Variants in KCNH1 observed in about 807,000 individuals in gnomAD.
KCNH1 encodes the protein potassium voltage-gated channel subfamily H member 1.
In KCNH1, 27 loss-of-function variants were observed where a neutral mutation model predicts 69.2. That is an observed-to-expected ratio of 0.39 (90% CI 0.29 to 0.54). The LOEUF is 0.54. KCNH1 is among the 20% of genes least tolerant of loss of function. KCNH1 has a pLI of 0.68. For missense variants in KCNH1, 798 were observed against 1,261.6 expected (o/e 0.63, Z 5.57); for synonymous variants, 456 against 487.7 (o/e 0.93, Z 0.86).
At chr1:210,744,062 G>A (rs144994166) in intron 10 of KCNH1, among the ~76,000 whole-genome samples, 2,254 of 152,274 alleles carry the variant, frequency 0.015, 62 homozygotes, top group African/African-American at 0.051. Context: ...GATCCAGCCT[G>A]CCTGTGCCTT....
chr1:210,957,221 G>A (rs1389836828), intron 6 of KCNH1, among the ~76,000 whole-genome samples: 5 of 152,200 alleles, frequency 3.3e-5, no homozygotes, highest in African/African-American at 7.2e-5. Context: ...TAGTTGTGAA[G>A]TCTTGAGTGA....
At chr1:210,753,894 ACAAATAT>A (rs531073673) in intron 10 of KCNH1, among the ~76,000 whole-genome samples, 82 of 151,740 alleles carry the variant, frequency 5.4e-4, no homozygotes, top group South Asian at 2.3e-3. Context: ...TTTCAAGCTT[ACAAATAT>A]CAGACTAATT....
chr1:211,041,362 G>A (rs758612859), intron 5 of KCNH1, among the ~76,000 whole-genome samples: 1 of 152,114 alleles, frequency 6.6e-6, no homozygotes, highest in Non-Finnish European at 1.5e-5. Flanking sequence ...AAGATGTGCA[G>A]CTTAGCTCCC....
intron 8 of KCNH1, among the ~76,000 whole-genome samples, chr1:210,803,251 G>A (rs1435123634): frequency 6.6e-6 from 1 of 152,196 alleles, no homozygotes; most frequent in African/African-American, 2.4e-5. Flanking sequence ...TACAGGTGCT[G>A]CCACCAAACC....
At chr1:210,993,794 CA>C (rs1688975463) in intron 6 of KCNH1, among the ~76,000 whole-genome samples, 1 of 151,994 alleles carries the variant, frequency 6.6e-6, no homozygotes, top group African/African-American at 2.4e-5. Context: ...AGACATCATC[CA>C]AATATTAAGT....
chr1:210,739,945 C>T (rs1682980676), intron 10 of KCNH1, among the ~76,000 whole-genome samples: 1 of 151,980 alleles, frequency 6.6e-6, no homozygotes, highest in Non-Finnish European at 1.5e-5. Flanking sequence ...TAGTCTCAGT[C>T]CTAAAGGTCA....
At chr1:210,733,293 TCAA>T (rs1682790496) in intron 10 of KCNH1, among the ~76,000 whole-genome samples, 1 of 152,106 alleles carries the variant, frequency 6.6e-6, no homozygotes, top group Non-Finnish European at 1.5e-5. Context: ...GAAAGGAGAA[TCAA>T]AGCGCATAGA....
chr1:210,752,952 G>A (rs1369723147), intron 10 of KCNH1, among the ~76,000 whole-genome samples: 2 of 152,248 alleles, frequency 1.3e-5, no homozygotes, highest in Non-Finnish European at 1.5e-5. Flanking sequence ...AGACACAGGG[G>A]TGAAGGCCAT....
At chr1:210,917,748 C>A (rs1022719106) in intron 7 of KCNH1, among the ~76,000 whole-genome samples, 4 of 152,220 alleles carry the variant, frequency 2.6e-5, no homozygotes, top group African/African-American at 7.2e-5. Context: ...GAGCACAGTG[C>A]ATCTGGTTGT....
intron 7 of KCNH1, among the ~76,000 whole-genome samples, chr1:210,819,007 G>A (rs866864296): frequency 5.9e-5 from 9 of 152,172 alleles, no homozygotes; most frequent in Admixed American, 1.3e-4. Flanking sequence ...ACCATTGGAT[G>A]CCTTATTTTT....
intron 5 of KCNH1, among the ~76,000 whole-genome samples, chr1:211,021,040 G>A (rs1323012179): frequency 6.6e-6 from 1 of 152,166 alleles, no homozygotes; most frequent in Non-Finnish European, 1.5e-5. Flanking sequence ...GATTCTAAGT[G>A]AAGTAACTCA....
intron 5 of KCNH1, among the ~76,000 whole-genome samples, chr1:211,020,774 CA>C (rs1211996618): frequency 2.0e-5 from 3 of 150,166 alleles, no homozygotes; most frequent in African/African-American, 4.9e-5. Flanking sequence ...AACAGAACAT[CA>C]AAAAAAAGGT....
chr1:210,967,262 T>C (rs1284080733), intron 6 of KCNH1, among the ~76,000 whole-genome samples: 1 of 152,100 alleles, frequency 6.6e-6, no homozygotes, highest in Non-Finnish European at 1.5e-5. Context: ...CCATGGCATG[T>C]GTATACCTAT....
At chr1:210,882,015 G>A (rs777470445) in intron 7 of KCNH1, among the ~76,000 whole-genome samples, 4 of 152,252 alleles carry the variant, frequency 2.6e-5, no homozygotes, top group Middle Eastern at 3.4e-3. Flanking sequence ...GAACCCTAAT[G>A]TAAACTATGG....
chr1:210,869,653 C>T (rs1686194372), intron 7 of KCNH1, among the ~76,000 whole-genome samples: 1 of 152,030 alleles, frequency 6.6e-6, no homozygotes, highest in Admixed American at 6.6e-5. Context: ...AACTTAATTA[C>T]ATATCAGCTT....
At chr1:211,003,568 A>G (rs1265341025) in intron 6 of KCNH1, among the ~76,000 whole-genome samples, 1 of 152,154 alleles carries the variant, frequency 6.6e-6, no homozygotes, top group Non-Finnish European at 1.5e-5. Flanking sequence ...TGCATTAATT[A>G]TCTATTATCT....
At chr1:210,845,246 G>C (rs1199004877) in intron 7 of KCNH1, among the ~76,000 whole-genome samples, 2 of 152,170 alleles carry the variant, frequency 1.3e-5, no homozygotes, top group Admixed American at 6.5e-5. Context: ...GCATCATCCT[G>C]ATACCAAAGC....
At chr1:210,803,780 T>C (rs1284314327) in intron 8 of KCNH1, among the ~76,000 whole-genome samples, 187 bp downstream of exon 8, 1 of 152,210 alleles carries the variant, frequency 6.6e-6, no homozygotes, top group African/African-American at 2.4e-5. Context: ...TGATGTTTTA[T>C]TGTTGGTCTT....
intron 9 of KCNH1, among the ~76,000 whole-genome samples, chr1:210,785,252 T>C (rs1345782435): frequency 6.6e-6 from 1 of 152,036 alleles, no homozygotes; most frequent in African/African-American, 2.4e-5. Context: ...AAGATATACA[T>C]GAAATAAATA....
Sources: gnomAD v4.1 joint callset for allele counts (sites outside exome capture counted in the v4.1 genomes callset) on GRCh38, gnomAD v4.1.1 for gene constraint, MANE v1.5 for transcripts, NCBI Gene and HGNC (gene_info 2026-07-23, HGNC 2026-07-21) for gene names.